The following ASB18 variants were observed in gnomAD, a reference collection of about 807,000 sequenced individuals.
ASB18 encodes the protein ankyrin repeat and SOCS box protein 18.
Under a neutral mutation model 33.4 loss-of-function variants are expected in ASB18, and 33 were observed. The observed-to-expected ratio is 0.99, with a 90% CI of 0.75 to 1.32. The LOEUF is 1.32. Among genes scored for constraint, ASB18 ranks in the 40% most tolerant of loss-of-function variants. The probability of loss-of-function intolerance (pLI) is 0.00; values close to 1 mark genes in which losing one functional copy is unlikely to be tolerated. For missense variants in ASB18, 694 were observed against 655.5 expected (o/e 1.06, Z -0.64); for synonymous variants, 295 against 307.6 (o/e 0.96, Z 0.43).
rs1352058072 is a variant in ASB18 at position 236,245,497 on chromosome 2, C to A, written c.206-4095G>T. Among the ~76,000 whole-genome samples, 1 of 152,210 alleles carries A rather than the reference C, an allele frequency of 6.6e-6. No individual in the cohort carries two copies. The highest frequency in any genetic ancestry group is 2.4e-5 in the African/African-American group (1 of 41,444). ...ACACCTTAGTATAGGGGTCTGCAGT[C>A]CCCAGATAGTGCCTTCGTCTCTCCA... On this transcript the variant is annotated intron_variant, in intron 1 of 5. Transcript: ENST00000409749. The surrounding 1 kb of genome is among the most constrained non-coding windows in gnomAD (Gnocchi z 4.7).
At chr2:236,210,858 G>C (rs1223269127) in intron 4 of ASB18, among the ~76,000 whole-genome samples, 1 of 152,206 alleles carries the variant, frequency 6.6e-6, no homozygotes, top group Non-Finnish European at 1.5e-5. Flanking sequence ...GCTACTGTCA[G>C]CTCTGTGTCC....
rs905508535 is a variant in ASB18, at chr2:236,228,850, CA to C, written c.596+8838del. ...AGACCCAAAAGGATCAAACTATTTC[CA>C]AGTAACTTTACATTCCAGAGCAGAG... is the stretch of plus-strand genomic sequence containing the variant. On this transcript the variant is annotated intron_variant, in intron 3 of 5. Coordinates refer to ENST00000409749, the MANE Select transcript of ASB18 (RefSeq NM_212556.4). This position sits in a 1 kb window ranked among gnomAD's most constrained non-coding sequence, Gnocchi z 5.1. 1.3e-5 allele frequency among the ~76,000 whole-genome samples: 2 copies of C among 152,128 alleles called. No individual in the cohort carries two copies. Among genetic ancestry groups the C allele is most frequent in the African/African-American group, 4.8e-5 (2 of 41,420 alleles).
Position 236,213,216 on chromosome 2 carries a change from A to G in ASB18, c.1101+1146T>C, listed in dbSNP as rs577623510. ...CAATTACCCAAAGAGGGGGTGAGAC[A>G]GCATCGGGAAAGTGCCATCCTGTTT... On this transcript the variant is annotated intron_variant, in intron 4 of 5. Transcript: ENST00000409749. This position sits in a 1 kb window ranked among gnomAD's most constrained non-coding sequence, Gnocchi z 4.8. Among the ~76,000 whole-genome samples, 50 of 152,232 alleles carry G rather than the reference A, an allele frequency of 3.3e-4. No homozygotes were observed. Among genetic ancestry groups the G allele is most frequent in the Non-Finnish European group, 6.0e-4 (41 of 68,014 alleles).
chr2:236,237,719 A>G lies in ASB18; in HGVS notation c.566T>C (p.Leu189Pro), dbSNP rs1010256480. Reference protein sequence around the residue: ...DLLSAEGLAPLHLCRTAASLG... With the variant: ...DLLSAEGLAPPHLCRTAASLG... ...CGAGGCGGCCGTGCGGCAGAGGTGC[A>G]GAGGCGCCAGGCCCTCGGCGCTGAG... The change falls in exon 3 of 6, where the codon CTG (leucine) becomes CCG (proline). Residue 189 changes from leucine to proline, a missense_variant. Leu to Pro is a moderately conservative substitution (Grantham distance 98). Transcript: ENST00000409749. This position sits in a 1 kb window ranked among gnomAD's most constrained non-coding sequence, Gnocchi z 6.2. The G allele has an allele frequency of 4.1e-6, 6 of 1,460,228 alleles. No homozygotes were observed. The highest frequency in any genetic ancestry group is 2.5e-5 in the Admixed American group (1 of 40,814). The allele number at this position is 1,460,228 out of a possible 1,614,324, so 90.5% of individuals were successfully genotyped here.
rs904818044 is a variant in ASB18 at position 236,217,260 on chromosome 2, A to G, written c.597-2394T>C. Among the ~76,000 whole-genome samples, 3 of 152,224 alleles carry G rather than the reference A, an allele frequency of 2.0e-5. No individual in the cohort carries two copies. Among genetic ancestry groups the G allele is most frequent in the African/African-American group, 7.2e-5 (3 of 41,544 alleles). On this transcript the variant is annotated intron_variant, in intron 3 of 5. Coordinates refer to ENST00000409749, the MANE Select transcript of ASB18 (RefSeq NM_212556.4). This position sits in a 1 kb window ranked among gnomAD's most constrained non-coding sequence, Gnocchi z 5.2. Reference sequence around the variant, plus strand: ...CCATCTCTACTAAAAATATAAAATTAGCCGGGCATAGTGGTGGATGCATGT... The same window carrying G: ...CCATCTCTACTAAAAATATAAAATTGGCCGGGCATAGTGGTGGATGCATGT...
intron 4 of ASB18, among the ~76,000 whole-genome samples, chr2:236,198,150 C>T (rs1294956129): frequency 6.6e-6 from 1 of 152,114 alleles, no homozygotes; most frequent in Non-Finnish European, 1.5e-5. Context: ...AGCTCCAGAC[C>T]TAAAACCCCT....
chr2:236,237,662 GCCGCGGGCCTGTC>G lies in ASB18; in HGVS notation c.596+14_596+26del. The stretch of plus-strand genomic sequence containing the variant: ...CGTCTGGTCTCGGGGCGGGGCGGAC[GCCGCGGGCCTGTC>G]CCGAGGTCCTTACCCGAGCGAGGCG... On this transcript the variant is annotated intron_variant, in intron 3 of 5. Coordinates refer to ENST00000409749, the MANE Select transcript of ASB18 (RefSeq NM_212556.4). This position sits in a 1 kb window ranked among gnomAD's most constrained non-coding sequence, Gnocchi z 6.2. 7.3e-7 allele frequency: 1 copy of G among 1,370,124 alleles called. No homozygotes were observed. Among genetic ancestry groups the G allele is most frequent in the Non-Finnish European group, 9.4e-7 (1 of 1,069,120 alleles). 84.9% of individuals were successfully genotyped at this position (1,370,124 alleles called of 1,614,324 possible).
chr2:236,236,061 C>A (rs2060587439), intron 3 of ASB18, among the ~76,000 whole-genome samples: 1 of 138,706 alleles, frequency 7.2e-6, no homozygotes, highest in Non-Finnish European at 1.5e-5. Context: ...AAGCATATGC[C>A]CATTCAAAGG....
chr2:236,234,581 A>C lies in ASB18; in HGVS notation c.596+3108T>G, dbSNP rs182798454. ...AGTCAGACTTTGCCCTGCTTTGCAC[A>C]TGCTTGACAAGAGAGCTCAGAAATA... On this transcript the variant is annotated intron_variant, in intron 3 of 5. Coordinates refer to ENST00000409749, the MANE Select transcript of ASB18 (RefSeq NM_212556.4). This position sits in a 1 kb window ranked among gnomAD's most constrained non-coding sequence, Gnocchi z 4.1. Among the ~76,000 whole-genome samples the C allele has an allele frequency of 6.6e-6, 1 of 152,190 alleles. No homozygotes were observed. Among genetic ancestry groups the C allele is most frequent in the Non-Finnish European group, 1.5e-5 (1 of 68,040 alleles).
intron 1 of ASB18, among the ~76,000 whole-genome samples, chr2:236,242,902 C>A (rs947335287): frequency 2.1e-4 from 32 of 150,868 alleles, no homozygotes; most frequent in Non-Finnish European, 4.1e-4. Context: ...CACCTGTGGT[C>A]CCAGCTATTT....
chr2:236,241,404 T>C lies in ASB18; in HGVS notation c.206-2A>G, dbSNP rs1478962700. On this transcript the variant is annotated splice_acceptor_variant, in intron 1 of 5. Coordinates refer to ENST00000409749, the MANE Select transcript of ASB18 (RefSeq NM_212556.4). LOFTEE classifies it high-confidence loss of function. The surrounding 1 kb of genome is among the most constrained non-coding windows in gnomAD (Gnocchi z 4.2). ...GGGGCTTCAGATGGTCGAGGTCCCC[T>C]GCGACCAGGGCAGTGTGGTACTCCT... 2 of 1,613,972 alleles carry C rather than the reference T, an allele frequency of 1.2e-6. No individual in the cohort carries two copies. Among genetic ancestry groups the C allele is most frequent in the Non-Finnish European group, 1.7e-6 (2 of 1,179,862 alleles).
At chr2:236,198,994 C>A (rs1203837810) in intron 4 of ASB18, among the ~76,000 whole-genome samples, 3 of 152,132 alleles carry the variant, frequency 2.0e-5, no homozygotes, top group African/African-American at 7.2e-5. Flanking sequence ...TAAATATAAC[C>A]TTGAACATTA....
In ASB18 at chr2:236,211,483, A is replaced by G. The variant is rs1361694978; in HGVS notation, c.1101+2879T>C. Among the ~76,000 whole-genome samples, 1 of 152,240 alleles carries G rather than the reference A, an allele frequency of 6.6e-6. No individual in the cohort carries two copies. The highest frequency in any genetic ancestry group is 2.4e-5 in the African/African-American group (1 of 41,464). ...TGATTTATGTCATAAGCTCGCTGTG[A>G]AACCTTTTGCCTCGGTAATTCTGCG... On this transcript the variant is annotated intron_variant, in intron 4 of 5. Transcript: ENST00000409749. The surrounding 1 kb of genome is among the most constrained non-coding windows in gnomAD (Gnocchi z 5.0).
At chr2:236,243,797 C>A (rs1235045450) in intron 1 of ASB18, among the ~76,000 whole-genome samples, 1 of 151,954 alleles carries the variant, frequency 6.6e-6, no homozygotes, top group Non-Finnish European at 1.5e-5. Flanking sequence ...TAAATAAGCT[C>A]ATTTTTTTCT....
Position 236,214,271 on chromosome 2 carries a change from T to G in ASB18, c.1101+91A>C. The G allele has an allele frequency of 7.3e-7, 1 of 1,361,966 alleles. No homozygotes were observed. Among genetic ancestry groups the G allele is most frequent in the Non-Finnish European group, 9.9e-7 (1 of 1,014,214 alleles). The allele number at this position is 1,361,966 out of a possible 1,614,324, so 84.4% of individuals were successfully genotyped here. ...CCAGGGGTGCCTGGGCCATTACACT[T>G]TGAGAGCGCCGCATGCAACCCAGCT... On this transcript the variant is annotated intron_variant, in intron 4 of 5. Coordinates refer to ENST00000409749, the MANE Select transcript of ASB18 (RefSeq NM_212556.4). This position sits in a 1 kb window ranked among gnomAD's most constrained non-coding sequence, Gnocchi z 6.5.
chr2:236,241,417 G>A lies in ASB18; in HGVS notation c.206-15C>T, dbSNP rs2060620617. Reference sequence around the variant, plus strand: ...GTCGAGGTCCCCTGCGACCAGGGCAGTGTGGTACTCCTGCACCGGGGACCC... The same window carrying A: ...GTCGAGGTCCCCTGCGACCAGGGCAATGTGGTACTCCTGCACCGGGGACCC... On this transcript the variant is annotated splice_polypyrimidine_tract_variant and intron_variant, in intron 1 of 5. Coordinates refer to ENST00000409749, the MANE Select transcript of ASB18 (RefSeq NM_212556.4). This position sits in a 1 kb window ranked among gnomAD's most constrained non-coding sequence, Gnocchi z 4.2. 6.2e-7 allele frequency: 1 copy of A among 1,613,962 alleles called. No individual in the cohort carries two copies. Among genetic ancestry groups the A allele is most frequent in the African/African-American group, 1.3e-5 (1 of 75,058 alleles).
In ASB18 at chr2:236,263,752, G is replaced by A. The variant is rs533177683; in HGVS notation, c.205+389C>T. On this transcript the variant is annotated intron_variant, in intron 1 of 5. Coordinates refer to ENST00000409749, the MANE Select transcript of ASB18 (RefSeq NM_212556.4). The surrounding 1 kb of genome is among the most constrained non-coding windows in gnomAD (Gnocchi z 4.0). ...GTATTTCAGTAGGGGATTGAAATTG[G>A]GAAGACTATGTAGCAACATGGAAAA... is the stretch of plus-strand genomic sequence containing the variant. Among the ~76,000 whole-genome samples the A allele has an allele frequency of 5.3e-5, 8 of 152,254 alleles. No homozygotes were observed. Among genetic ancestry groups the A allele is most frequent in the African/African-American group, 1.9e-4 (8 of 41,530 alleles).
chr2:236,247,125 CTTTT>C (rs3033949), intron 1 of ASB18, among the ~76,000 whole-genome samples: 32 of 133,676 alleles, frequency 2.4e-4, no homozygotes, highest in Admixed American at 3.7e-4. Context: ...GAAACAGACT[CTTTT>C]TTTTTTTTTT....
Position 236,252,852 on chromosome 2 carries a change from G to C in ASB18, c.205+11289C>G, listed in dbSNP as rs946597245. 2.0e-5 allele frequency among the ~76,000 whole-genome samples: 3 copies of C among 152,180 alleles called. No homozygotes were observed. The highest frequency in any genetic ancestry group is 6.5e-5 in the Admixed American group (1 of 15,276). Reference sequence around the variant, plus strand: ...GTAGGGAGGACTTGTCACCCCAGCTGTCAGCTCCTCCATGGTTTGCCTCAG... The same window carrying C: ...GTAGGGAGGACTTGTCACCCCAGCTCTCAGCTCCTCCATGGTTTGCCTCAG... On this transcript the variant is annotated intron_variant, in intron 1 of 5. Transcript: ENST00000409749. This position sits in a 1 kb window ranked among gnomAD's most constrained non-coding sequence, Gnocchi z 7.9.
Sources: gnomAD v4.1 joint callset for allele counts (sites outside exome capture counted in the v4.1 genomes callset) on GRCh38, gnomAD v4.1.1 for gene constraint, Gnocchi (gnomAD v3.1) non-coding constraint, MANE v1.5 for transcripts, NCBI Gene and HGNC (gene_info 2026-07-23, HGNC 2026-07-21) for gene names.